Variants in KHDRBS2 observed in about 807,000 individuals in gnomAD.
KHDRBS2 encodes the protein KH RNA binding domain containing, signal transduction associated 2, also known as KH domain-containing, RNA-binding, signal transduction-associated protein 2.
Under a neutral mutation model 44.3 loss-of-function variants are expected in KHDRBS2, and 26 were observed. The ratio of observed to expected loss-of-function variants is 0.59; its 90% CI spans 0.43 to 0.81. KHDRBS2 has a LOEUF of 0.81. Ranked by LOEUF, KHDRBS2 falls within the 40% of genes least tolerant of loss-of-function variation. The pLI is 0.00. For missense variants in KHDRBS2, 476 were observed against 433.1 expected, an observed-to-expected ratio of 1.10 and a Z score of -0.88; for synonymous variants, 194 against 151.1, an observed-to-expected ratio of 1.28 and a Z score of -2.08.
intron 6 of KHDRBS2, among the ~76,000 whole-genome samples, chr6:61,796,783 A>G (rs1785421941): frequency 6.6e-6 from 1 of 152,164 alleles, no homozygotes; most frequent in Non-Finnish European, 1.5e-5. Flanking sequence ...CATTTAAAAG[A>G]TGCAATTTTA....
intron 7 of KHDRBS2, among the ~76,000 whole-genome samples, chr6:61,725,540 C>T (rs1214346310): frequency 6.6e-6 from 1 of 151,858 alleles, no homozygotes; most frequent in Non-Finnish European, 1.5e-5. Flanking sequence ...AATAGATCAA[C>T]TGTTATCTAG....
chr6:61,957,226 A>C (rs1464439658), intron 4 of KHDRBS2, among the ~76,000 whole-genome samples: 1 of 152,062 alleles, frequency 6.6e-6, no homozygotes, highest in African/African-American at 2.4e-5. Flanking sequence ...TCACCTCAGG[A>C]CCCTGTGATG....
chr6:61,549,308 AC>A, the KHDRBS2 span, among the ~76,000 whole-genome samples: 2 of 152,178 alleles, frequency 1.3e-5, no homozygotes, highest in African/African-American at 4.8e-5. Flanking sequence ...TGTTTCAAAC[AC>A]ATTTGGTCTC....
intron 3 of KHDRBS2, among the ~76,000 whole-genome samples, chr6:62,036,822 T>C (rs1010449165): frequency 6.6e-6 from 1 of 152,000 alleles, no homozygotes; most frequent in Non-Finnish European, 1.5e-5. Flanking sequence ...ATTACAGCTA[T>C]ACAAATGAAA....
intron 6 of KHDRBS2, among the ~76,000 whole-genome samples, chr6:61,766,018 G>A (rs1388780395): frequency 3.3e-5 from 5 of 151,838 alleles, no homozygotes; most frequent in Non-Finnish European, 7.4e-5. Context: ...GAAGTCTTCC[G>A]TCCTCTATTT....
chr6:62,119,698 C>T (rs1362820184), intron 2 of KHDRBS2, among the ~76,000 whole-genome samples: 1 of 152,170 alleles, frequency 6.6e-6, no homozygotes, highest in Non-Finnish European at 1.5e-5. Context: ...GAAACAGCCT[C>T]CCTGCCCCCA....
At chr6:61,745,221 G>A (rs1668894920) in intron 6 of KHDRBS2, among the ~76,000 whole-genome samples, 1 of 152,122 alleles carries the variant, frequency 6.6e-6, no homozygotes, top group Non-Finnish European at 1.5e-5. Flanking sequence ...ATTAAAAGGA[G>A]ATATCCTGAA....
chr6:61,615,486 A>G, the KHDRBS2 span, among the ~76,000 whole-genome samples: 1 of 152,166 alleles, frequency 6.6e-6, no homozygotes, highest in South Asian at 2.1e-4. Context: ...AAATAAATGA[A>G]GAAACAAGTA....
At chr6:61,848,499 ATATATATATATGTATATATG>A (rs1562293902) in intron 6 of KHDRBS2, among the ~76,000 whole-genome samples, 9 of 60,408 alleles carry the variant, frequency 1.5e-4, no homozygotes, top group African/African-American at 6.0e-4. Flanking sequence ...ATGTATATAT[ATATATATATATGTATATATG>A]TATATATATA....
the KHDRBS2 span, among the ~76,000 whole-genome samples, chr6:61,672,219 C>T: frequency 6.6e-6 from 1 of 150,966 alleles, no homozygotes; most frequent in East Asian, 2.0e-4. Context: ...TGTATATGTG[C>T]CACATTTTCT....
At chr6:61,553,758 C>T in the KHDRBS2 span, among the ~76,000 whole-genome samples, 4 of 152,014 alleles carry the variant, frequency 2.6e-5, no homozygotes, top group Non-Finnish European at 4.4e-5. Flanking sequence ...CATTATTTAC[C>T]AAAAAGTTAT....
chr6:62,183,061 C>T (rs1292071046), intron 1 of KHDRBS2, among the ~76,000 whole-genome samples: 2 of 151,828 alleles, frequency 1.3e-5, no homozygotes, highest in Admixed American at 6.6e-5. Context: ...TAGTATTTAT[C>T]GGACCTCAAA....
At position 62,132,729 on chromosome 6, in the gene KHDRBS2, A is replaced by T. The variant is rs150385965; in HGVS notation, c.219+44456T>A. 5.2e-3 allele frequency among the ~76,000 whole-genome samples: 795 copies of T among 152,192 alleles called. 9 individuals carry two copies. The highest frequency in any genetic ancestry group is 0.017 in the Middle Eastern group (5 of 292). On this transcript the variant is annotated intron_variant, in intron 2 of 8. Coordinates refer to ENST00000281156, the MANE Select transcript of KHDRBS2 (RefSeq NM_152688.4). ...TAGAAACATAAAACATGGCATTATT[A>T]TTTTCATTACACCATTGAGTGTAAT...
chr6:61,980,403 C>A (rs1773591520), intron 3 of KHDRBS2, among the ~76,000 whole-genome samples: 1 of 152,090 alleles, frequency 6.6e-6, no homozygotes, highest in African/African-American at 2.4e-5. Context: ...CCACCACCAC[C>A]AGAAAAATAA....
At chr6:61,864,957 G>C (rs1797564591) in intron 6 of KHDRBS2, among the ~76,000 whole-genome samples, 1 of 152,136 alleles carries the variant, frequency 6.6e-6, no homozygotes, top group African/African-American at 2.4e-5. Context: ...ATTTCTAAGA[G>C]GTTTTGTTCA....
chr6:61,707,984 A>G (rs974643271), intron 7 of KHDRBS2, among the ~76,000 whole-genome samples: 1 of 151,672 alleles, frequency 6.6e-6, no homozygotes, highest in African/African-American at 2.4e-5. Context: ...AGCTATTTAA[A>G]TATAAAAAAT....
intron 1 of KHDRBS2, among the ~76,000 whole-genome samples, chr6:62,227,978 A>T (rs982328439): frequency 1.1e-4 from 16 of 152,044 alleles, no homozygotes; most frequent in Non-Finnish European, 2.1e-4. Context: ...TTGGCCTGAA[A>T]TTTTTTGTTG....
At chr6:61,622,857 A>G in the KHDRBS2 span, among the ~76,000 whole-genome samples, 1 of 152,104 alleles carries the variant, frequency 6.6e-6, no homozygotes, top group African/African-American at 2.4e-5. Context: ...CTCCTCTGCA[A>G]GCCAGGGCTG....
the KHDRBS2 span, among the ~76,000 whole-genome samples, chr6:61,567,646 A>G: frequency 6.6e-6 from 1 of 151,980 alleles, no homozygotes; most frequent in Non-Finnish European, 1.5e-5. Flanking sequence ...GTCTTAAAAC[A>G]AAACAAACAA....
Sources: allele counts gnomAD v4.1 joint callset (sites outside exome capture counted in the v4.1 genomes callset), GRCh38; gene constraint gnomAD v4.1.1; transcripts MANE v1.5; gene names NCBI Gene and HGNC (gene_info 2026-07-23, HGNC 2026-07-21).